Variants in LAMA2 observed in about 807,000 individuals in gnomAD.
LAMA2 encodes the protein laminin subunit alpha-2.
In LAMA2, 269 loss-of-function variants were observed where a neutral mutation model predicts 364.8. The observed-to-expected ratio is 0.74, with a 90% CI of 0.67 to 0.82. The LOEUF (loss-of-function observed/expected upper bound fraction) is 0.82. Ranked by LOEUF, LAMA2 falls within the 40% of genes least tolerant of loss-of-function variation. The pLI, the probability that LAMA2 is intolerant of heterozygous loss-of-function variation, is 0.00. For synonymous variants in LAMA2, 1,379 were observed against 1,370.6 expected (o/e 1.01, Z -0.14); for missense variants, 3,807 against 3,873.2 (o/e 0.98, Z 0.45).
At chr6:129,219,492 A>C (rs1011349036) in intron 12 of LAMA2, among the ~76,000 whole-genome samples, 10 of 151,658 alleles carry the variant, frequency 6.6e-5, no homozygotes, top group Non-Finnish European at 1.3e-4. Context: ...TACCCAAAGG[A>C]CTATAAATCA....
chr6:129,192,884 C>T lies in LAMA2; in HGVS notation c.1782+31C>T, dbSNP rs771147512. ...TCCACGCTTGCTTCCCGCTATTCTG[C>T]TTTAACTGACTGATCGTGAGAATGG... On this transcript the variant is annotated intron_variant, in intron 12 of 64. Coordinates refer to ENST00000421865, the MANE Select transcript of LAMA2 (RefSeq NM_000426.4). The T allele has an allele frequency of 2.5e-6, 4 of 1,600,316 alleles. No homozygotes were observed. The South Asian group carries it at 3.3e-5, about 13-fold the overall frequency.
intron 1 of LAMA2, among the ~76,000 whole-genome samples, chr6:128,921,418 G>C (rs546032526): frequency 1.8e-3 from 279 of 152,238 alleles, no homozygotes; most frequent in African/African-American, 6.4e-3. Context: ...TTTGCAAATA[G>C]GGTCTTTGCA....
chr6:128,988,277 T>G (rs1198440859), intron 1 of LAMA2, among the ~76,000 whole-genome samples: 1 of 152,164 alleles, frequency 6.6e-6, no homozygotes, highest in Non-Finnish European at 1.5e-5. Flanking sequence ...GACTGGTAAT[T>G]TTAGGATTGT....
intron 32 of LAMA2, among the ~76,000 whole-genome samples, chr6:129,355,036 G>A (rs1259436355): frequency 6.6e-6 from 1 of 152,124 alleles, no homozygotes; most frequent in Non-Finnish European, 1.5e-5. Flanking sequence ...GTTATACATG[G>A]TATTTAGTTC....
At chr6:129,262,823 A>G (rs1246521952) in intron 15 of LAMA2, among the ~76,000 whole-genome samples, 2 of 152,158 alleles carry the variant, frequency 1.3e-5, no homozygotes, top group African/African-American at 4.8e-5. Flanking sequence ...GTAAACGCCA[A>G]AGACCATTAA....
At chr6:129,357,115 T>C (rs1196208897) in intron 32 of LAMA2, among the ~76,000 whole-genome samples, 1 of 152,076 alleles carries the variant, frequency 6.6e-6, no homozygotes, top group Non-Finnish European at 1.5e-5. Context: ...AGTTCACATG[T>C]CATTTTATAA....
At chr6:129,124,250 G>C (rs1036379896) in intron 4 of LAMA2, among the ~76,000 whole-genome samples, 3 of 152,180 alleles carry the variant, frequency 2.0e-5, no homozygotes, top group African/African-American at 7.2e-5. Flanking sequence ...CAGGTGCACA[G>C]ACCATCTTTG....
At chr6:129,279,976 T>G in intron 17 of LAMA2, 85 bp from the exon 18 acceptor site, 1 of 884,194 alleles carries the variant, frequency 1.1e-6, no homozygotes, top group Non-Finnish European at 1.9e-6. Context: ...AGAGCAGTAG[T>G]GGAGAGAGAG....
At position 129,047,159 on chromosome 6, in the gene LAMA2, A is replaced by T. The variant is rs545671958; in HGVS notation, c.113-2759A>T. Among the ~76,000 whole-genome samples the T allele has an allele frequency of 2.6e-5, 4 of 152,334 alleles. No individual in the cohort carries two copies. In the East Asian group the frequency reaches 5.8e-4, roughly 22 times the overall value. On this transcript the variant is annotated intron_variant, in intron 1 of 64. Coordinates refer to ENST00000421865, the MANE Select transcript of LAMA2 (RefSeq NM_000426.4). ...GACAAACGTCACAAAATTGTTAGGA[A>T]GTTTTCACTAAGGCTTATATCATGG...
At position 129,475,390 on chromosome 6, in the gene LAMA2, T is replaced by A; in HGVS notation, c.7440T>A (p.Ser2480Arg). The A allele has an allele frequency of 6.4e-7, 1 of 1,551,692 alleles. No homozygotes were observed. The highest frequency in any genetic ancestry group is 8.8e-7 in the Non-Finnish European group (1 of 1,133,894). The change falls in exon 53 of 65, where the codon AGT becomes AGA. Residue 2480 changes from serine to arginine, a missense_variant and splice_region_variant. Physicochemically the swap from Ser to Arg is moderately radical, Grantham distance 110. Transcript: ENST00000421865. ...FGGLPTLRNL[S>R]MKARPEVNLK... is the part of the protein sequence containing the mutation. ...TTTTTTCCTCTTTCCCGTTATCTAGTATGAAAGCAAGGTAAAATTTAAATT... is the reference window on the plus strand; with the variant it reads ...TTTTTTCCTCTTTCCCGTTATCTAGAATGAAAGCAAGGTAAAATTTAAATT...
intron 14 of LAMA2, among the ~76,000 whole-genome samples, chr6:129,256,763 C>A (rs1232429408): frequency 2.3e-5 from 2 of 87,960 alleles, no homozygotes; most frequent in African/African-American, 8.3e-5. Context: ...AATTATATAG[C>A]ATATATATAT....
At chr6:129,379,208 G>T (rs922090327) in intron 34 of LAMA2, among the ~76,000 whole-genome samples, 2 of 152,100 alleles carry the variant, frequency 1.3e-5, no homozygotes, top group Non-Finnish European at 2.9e-5. Context: ...CCTACCAGAG[G>T]GCGGAGGATG....
chr6:128,953,943 A>T (rs942640624), intron 1 of LAMA2, among the ~76,000 whole-genome samples: 18 of 152,146 alleles, frequency 1.2e-4, no homozygotes, highest in African/African-American at 3.9e-4. Flanking sequence ...AGTTCAAGCT[A>T]ATTTTTCTTA....
intron 53 of LAMA2, 145 bp from the exon 54 acceptor site, chr6:129,478,548 A>G: frequency 1.2e-6 from 1 of 800,098 alleles, no homozygotes; most frequent in Admixed American, 2.0e-5. Context: ...AATGGAAACC[A>G]GAGTTTGCTG....
At chr6:129,307,774 A>T (rs1485196349) in intron 22 of LAMA2, among the ~76,000 whole-genome samples, 2 of 152,244 alleles carry the variant, frequency 1.3e-5, no homozygotes, top group Non-Finnish European at 2.9e-5. Context: ...AATGCAACAC[A>T]AAGGTCAAGT....
intron 12 of LAMA2, among the ~76,000 whole-genome samples, chr6:129,241,851 C>T (rs1785414238): frequency 6.6e-6 from 1 of 152,150 alleles, no homozygotes; most frequent in Non-Finnish European, 1.5e-5. Context: ...CTAAAATTCA[C>T]AACCACTTTC....
At position 129,323,931 on chromosome 6, in the gene LAMA2, T is replaced by C. The variant is rs546419768; in HGVS notation, c.4176+3276T>C. Among the ~76,000 whole-genome samples, 8 of 152,368 alleles carry C rather than the reference T, an allele frequency of 5.3e-5. No individual in the cohort carries two copies. The South Asian group carries it at 1.7e-3, about 32-fold the overall frequency. On this transcript the variant is annotated intron_variant, in intron 28 of 64. Transcript: ENST00000421865. ...TGGATCGCCACTCAGAAGCTGTCCCTTGTGGCTATTAAAACTGATTTTTTT... is the reference window on the plus strand; with the variant it reads ...TGGATCGCCACTCAGAAGCTGTCCCCTGTGGCTATTAAAACTGATTTTTTT...
At chr6:129,222,180 G>A (rs1438827367) in intron 12 of LAMA2, among the ~76,000 whole-genome samples, 2 of 152,006 alleles carry the variant, frequency 1.3e-5, no homozygotes, top group African/African-American at 4.8e-5. Context: ...AATAAGCCAG[G>A]GAATACAATG....
At chr6:129,225,039 ACTT>A (rs1784150033) in intron 12 of LAMA2, among the ~76,000 whole-genome samples, 1 of 152,074 alleles carries the variant, frequency 6.6e-6, no homozygotes, top group Non-Finnish European at 1.5e-5. Flanking sequence ...CAGAGATTCA[ACTT>A]CTTCCTTGTT....
Sources: gnomAD v4.1 joint callset for allele counts (sites outside exome capture counted in the v4.1 genomes callset) on GRCh38, gnomAD v4.1.1 for gene constraint, MANE v1.5 for transcripts, NCBI Gene and HGNC (gene_info 2026-07-23, HGNC 2026-07-21) for gene names.